Variants in CDK19 observed in about 807,000 individuals in gnomAD.
CDK19 encodes cyclin dependent kinase 19.
A neutral mutation model predicts 68.3 loss-of-function variants in CDK19; 20 were observed. That is an observed-to-expected ratio of 0.29 (90% confidence interval 0.21 to 0.43). The LOEUF (loss-of-function observed/expected upper bound fraction) is 0.43, where lower values mean the gene tolerates loss of function less well. Ranked by LOEUF, CDK19 falls within the 20% of genes least tolerant of loss-of-function variation. The pLI is 1.00. For synonymous variants in CDK19, 221 were observed against 222.8 expected, an observed-to-expected ratio of 0.99 and a Z score of 0.07; for missense variants, 339 against 623.5, an observed-to-expected ratio of 0.54 and a Z score of 4.86.
intron 1 of CDK19, among the ~76,000 whole-genome samples, chr6:110,789,957 A>G (rs1583107219): frequency 6.6e-6 from 1 of 152,254 alleles, no homozygotes. Flanking sequence ...AATTTTGTTC[A>G]AAGAGCAACT....
At chr6:110,772,346 A>G (rs1434374822) in intron 1 of CDK19, among the ~76,000 whole-genome samples, 1 of 152,112 alleles carries the variant, frequency 6.6e-6, no homozygotes, top group Non-Finnish European at 1.5e-5. Context: ...AGACTTATTC[A>G]CTACCATGAG....
intron 1 of CDK19, among the ~76,000 whole-genome samples, chr6:110,782,335 C>T (rs1780879303): frequency 6.6e-6 from 1 of 152,224 alleles, no homozygotes; most frequent in Non-Finnish European, 1.5e-5. Context: ...CAGTCCTTCA[C>T]TCAGTTGCCA....
intron 2 of CDK19, among the ~76,000 whole-genome samples, chr6:110,679,370 G>T (rs1771809724): frequency 6.6e-6 from 1 of 151,022 alleles, no homozygotes; most frequent in Non-Finnish European, 1.5e-5. Flanking sequence ...CCCAGCACTT[G>T]GGGAGGCCAA....
intron 1 of CDK19, among the ~76,000 whole-genome samples, chr6:110,757,330 G>C (rs2114933234): frequency 1.3e-5 from 2 of 152,218 alleles, no homozygotes; most frequent in South Asian, 4.2e-4. Flanking sequence ...CTGGATGTGG[G>C]ATATGCTAAG....
chr6:110,647,667 G>C (rs1161887567), intron 4 of CDK19, among the ~76,000 whole-genome samples: 1 of 152,170 alleles, frequency 6.6e-6, no homozygotes, highest in Non-Finnish European at 1.5e-5. Context: ...AAATCTTTCT[G>C]AGAAAACACC....
At chr6:110,790,016 G>A (rs567701361) in intron 1 of CDK19, among the ~76,000 whole-genome samples, 1 of 152,264 alleles carries the variant, frequency 6.6e-6, no homozygotes, top group African/African-American at 2.4e-5. Context: ...AAACGTTGGG[G>A]TAGGAGTTAG....
chr6:110,637,645 A>G (rs1779866130), intron 5 of CDK19, among the ~76,000 whole-genome samples: 1 of 152,246 alleles, frequency 6.6e-6, no homozygotes, highest in Non-Finnish European at 1.5e-5. Context: ...ACATATTTCT[A>G]AAAAGCATTC....
chr6:110,699,507 T>C (rs1217375964), intron 2 of CDK19, among the ~76,000 whole-genome samples: 1 of 149,502 alleles, frequency 6.7e-6, no homozygotes, highest in African/African-American at 2.5e-5. Flanking sequence ...CCAAATACCA[T>C]ATGGTGGGAG....
At chr6:110,661,231 A>G (rs1781599031) in intron 4 of CDK19, among the ~76,000 whole-genome samples, 1 of 152,222 alleles carries the variant, frequency 6.6e-6, no homozygotes, top group Non-Finnish European at 1.5e-5. Context: ...GGATGGTGCA[A>G]AAGCAATACA....
intron 2 of CDK19, among the ~76,000 whole-genome samples, chr6:110,736,084 G>A (rs540601444): frequency 2.0e-5 from 3 of 152,334 alleles, no homozygotes; most frequent in African/African-American, 4.8e-5. Context: ...GTTCACGCCT[G>A]TAATCCCAGC....
At chr6:110,806,064 G>A (rs930600640) in intron 1 of CDK19, among the ~76,000 whole-genome samples, 4 of 152,066 alleles carry the variant, frequency 2.6e-5, no homozygotes, top group African/African-American at 9.7e-5. Context: ...TGTCAGCTGG[G>A]TGCAGTGGCT....
chr6:110,768,910 T>A (rs1779779046), intron 1 of CDK19, among the ~76,000 whole-genome samples: 1 of 151,972 alleles, frequency 6.6e-6, no homozygotes, highest in Non-Finnish European at 1.5e-5. Context: ...CCTAGCACTT[T>A]GGGGGTCCAA....
chr6:110,674,029 G>T (rs769538310), intron 2 of CDK19, among the ~76,000 whole-genome samples: 6 of 152,156 alleles, frequency 3.9e-5, no homozygotes, highest in Admixed American at 2.6e-4. Context: ...ACAGCATGAA[G>T]CTCACTTAAT....
intron 2 of CDK19, among the ~76,000 whole-genome samples, chr6:110,694,423 T>C (rs889971184): frequency 4.6e-5 from 7 of 152,178 alleles, no homozygotes; most frequent in African/African-American, 1.7e-4. Context: ...AAGACGGACA[T>C]TATATAATGA....
intron 2 of CDK19, among the ~76,000 whole-genome samples, chr6:110,676,384 A>G (rs928533322): frequency 6.6e-6 from 1 of 152,250 alleles, no homozygotes; most frequent in Admixed American, 6.5e-5. Flanking sequence ...AATTTGGAAT[A>G]TTACATAAAC....
intron 2 of CDK19, among the ~76,000 whole-genome samples, chr6:110,701,065 G>A (rs760352220): frequency 1.3e-5 from 2 of 152,024 alleles, no homozygotes; most frequent in African/African-American, 2.4e-5. Flanking sequence ...TTAGCCAGGC[G>A]TGGTGGCAGG....
At chr6:110,729,886 AG>A (rs970749983) in intron 2 of CDK19, among the ~76,000 whole-genome samples, 1 of 152,164 alleles carries the variant, frequency 6.6e-6, no homozygotes, top group Non-Finnish European at 1.5e-5. Flanking sequence ...CCAGGACTAC[AG>A]GAGCACAATA....
intron 2 of CDK19, among the ~76,000 whole-genome samples, chr6:110,724,149 T>G (rs962983521): frequency 6.6e-6 from 1 of 150,942 alleles, no homozygotes; most frequent in African/African-American, 2.4e-5. Flanking sequence ...AGGGCAGGAG[T>G]TCGAGACCAG....
At position 110,780,550 on chromosome 6, in the gene CDK19, C is replaced by A. The variant is rs1780739328; in HGVS notation, c.129-34349G>T. ...AACTTCCTAACAAAATACCATTTTT[C>A]TTCCAAAACAAACCAAGCTTCTGAG... On this transcript the variant is annotated intron_variant, in intron 1 of 12. Transcript: ENST00000368911. 1.3e-5 allele frequency among the ~76,000 whole-genome samples: 2 copies of A among 151,944 alleles called. 1 individual carries two copies. The highest frequency in any genetic ancestry group is 4.2e-4 in the South Asian group (2 of 4,818).
Sources: gnomAD v4.1 joint callset for allele counts (sites outside exome capture counted in the v4.1 genomes callset) on GRCh38, gnomAD v4.1.1 for gene constraint, MANE v1.5 for transcripts, NCBI Gene and HGNC (gene_info 2026-07-23, HGNC 2026-07-21) for gene names.